Variants in PTPRD observed in about 807,000 individuals in gnomAD.
PTPRD encodes the protein protein tyrosine phosphatase receptor type D.
A neutral mutation model predicts 214.5 loss-of-function variants in PTPRD; 34 were observed. The observed-to-expected ratio is 0.16, with a 90% CI of 0.12 to 0.21. The LOEUF (loss-of-function observed/expected upper bound fraction) is 0.21. PTPRD is among the 10% of genes least tolerant of loss of function. PTPRD has a pLI of 1.00. For synonymous variants in PTPRD, 1,128 were observed against 845.7 expected (o/e 1.33, Z -5.79); for missense variants, 2,545 against 2,398.7 (o/e 1.06, Z -1.27).
chr9:10,132,843 T>C (rs983201827), intron 3 of PTPRD, among the ~76,000 whole-genome samples: 1 of 152,152 alleles, frequency 6.6e-6, no homozygotes, highest in Non-Finnish European at 1.5e-5. Context: ...ACATCTAAGA[T>C]GACACCAAGG....
At chr9:10,598,854 G>A (rs2077279663) in intron 2 of PTPRD, among the ~76,000 whole-genome samples, 1 of 151,462 alleles carries the variant, frequency 6.6e-6, no homozygotes, top group Admixed American at 6.6e-5. Flanking sequence ...ATAAAGAAAG[G>A]AAGAGAAAGA....
At chr9:9,282,847 G>T (rs1032683239) in intron 9 of PTPRD, among the ~76,000 whole-genome samples, 2 of 151,522 alleles carry the variant, frequency 1.3e-5, no homozygotes, top group East Asian at 3.9e-4. Context: ...ATTCAAGCAA[G>T]GTGGCTCCAA....
intron 39 of PTPRD, among the ~76,000 whole-genome samples, chr9:8,364,929 T>G (rs774652956): frequency 6.6e-6 from 1 of 152,132 alleles, no homozygotes; most frequent in Non-Finnish European, 1.5e-5. Flanking sequence ...CCTCTCAATA[T>G]ACAGGTGCTT....
rs987978956 is a variant in PTPRD at position 8,330,095 on chromosome 9, A to G, written c.5534+1487T>C. Among the ~76,000 whole-genome samples the G allele has an allele frequency of 7.9e-5, 12 of 152,234 alleles. No individual in the cohort carries two copies. The South Asian group carries it at 1.7e-3, about 21-fold the overall frequency. Reference sequence around the variant, plus strand: ...GCCAGAGTGTACTGTTCCTCGTGGTACAGTCTCTCACGGCTTCCCTTGGCT... The same window carrying G: ...GCCAGAGTGTACTGTTCCTCGTGGTGCAGTCTCTCACGGCTTCCCTTGGCT... On this transcript the variant is annotated intron_variant, in intron 44 of 45. Coordinates refer to ENST00000381196, the MANE Select transcript of PTPRD (RefSeq NM_002839.4).
chr9:8,962,668 T>G (rs1221648158), intron 11 of PTPRD: 1 of 152,110 alleles, frequency 6.6e-6, no homozygotes, highest in Admixed American at 6.6e-5. Flanking sequence ...TGTGGGGTAC[T>G]AAAATTACCA....
chr9:10,477,844 G>T (rs1042830699), intron 2 of PTPRD, among the ~76,000 whole-genome samples: 1 of 151,996 alleles, frequency 6.6e-6, no homozygotes, highest in Non-Finnish European at 1.5e-5. Context: ...CATGGATGAA[G>T]CTGGAAACCA....
intron 5 of PTPRD, among the ~76,000 whole-genome samples, chr9:9,887,063 A>T (rs570558686): frequency 1.3e-5 from 2 of 152,216 alleles, no homozygotes; most frequent in South Asian, 4.1e-4. Flanking sequence ...TTTGTTTTGC[A>T]ACAATACATA....
chr9:8,808,667 T>C (rs573360450), intron 11 of PTPRD, among the ~76,000 whole-genome samples: 1 of 152,128 alleles, frequency 6.6e-6, no homozygotes, highest in South Asian at 2.1e-4. Context: ...TAATATCTTT[T>C]TGACCTTGTA....
intron 11 of PTPRD, among the ~76,000 whole-genome samples, chr9:8,899,964 T>C (rs1469181726): frequency 6.6e-6 from 1 of 152,188 alleles, no homozygotes; most frequent in Non-Finnish European, 1.5e-5. Context: ...TCCAAATTAT[T>C]CCAAACATGC....
At chr9:9,561,193 T>G (rs1180974384) in intron 8 of PTPRD, among the ~76,000 whole-genome samples, 2 of 152,204 alleles carry the variant, frequency 1.3e-5, no homozygotes, top group African/African-American at 2.4e-5. Context: ...CTAAACTCAC[T>G]GAGTCACTCA....
At chr9:9,377,556 G>A (rs927119829) in intron 9 of PTPRD, among the ~76,000 whole-genome samples, 2 of 152,044 alleles carry the variant, frequency 1.3e-5, no homozygotes, top group African/African-American at 4.8e-5. Context: ...AGAAACAGAG[G>A]CTTTATTTGG....
chr9:9,733,001 T>C (rs553870596), intron 7 of PTPRD, among the ~76,000 whole-genome samples: 1 of 152,300 alleles, frequency 6.6e-6, no homozygotes, highest in South Asian at 2.1e-4. Context: ...TTCATCATTG[T>C]GAATAGGTAT....
chr9:10,475,790 C>T lies in PTPRD; in HGVS notation c.-599-134773G>A, dbSNP rs138774151. On this transcript the variant is annotated intron_variant, in intron 2 of 45. Coordinates refer to ENST00000381196, the MANE Select transcript of PTPRD (RefSeq NM_002839.4). ...AAAAGCTTATCTACCACGATCAAGT[C>T]GGTTTCATCCCCAGGATGCAAGGCT... Among the ~76,000 whole-genome samples, 695 of 151,980 alleles carry T rather than the reference C, an allele frequency of 4.6e-3. 7 individuals are homozygous for T. The highest frequency in any genetic ancestry group is 0.016 in the African/African-American group (662 of 41,474).
intron 12 of PTPRD, among the ~76,000 whole-genome samples, chr9:8,638,081 C>T (rs1460785487): frequency 6.6e-6 from 1 of 150,754 alleles, no homozygotes; most frequent in East Asian, 1.9e-4. Flanking sequence ...TTTTAAAGCC[C>T]CAAAACATTT....
rs3043784 is a variant in PTPRD, at chr9:8,454,811, A to AGTGT, written c.3876-4978_3876-4975dup. ...CATGAAGTTACATCACTGAATACAT[A>AGTGT]GTGTGTGTGTGTGTGTGTGTGTGTG... On this transcript the variant is annotated intron_variant, in intron 33 of 45. Coordinates refer to ENST00000381196, the MANE Select transcript of PTPRD (RefSeq NM_002839.4). Among the ~76,000 whole-genome samples, 400 of 148,736 alleles carry AGTGT rather than the reference A, an allele frequency of 2.7e-3. 1 individual carries two copies. Among genetic ancestry groups the AGTGT allele is most frequent in the African/African-American group, 3.5e-3 (140 of 40,550 alleles).
intron 11 of PTPRD, among the ~76,000 whole-genome samples, chr9:8,840,012 G>A (rs543439467): frequency 6.6e-6 from 1 of 152,210 alleles, no homozygotes; most frequent in East Asian, 1.9e-4. Flanking sequence ...ATGAGCAAAA[G>A]GACTATAAGC....
chr9:9,691,628 T>C (rs1187862609), intron 7 of PTPRD, among the ~76,000 whole-genome samples: 1 of 152,078 alleles, frequency 6.6e-6, no homozygotes, highest in Non-Finnish European at 1.5e-5. Flanking sequence ...TCCTTTCTTT[T>C]GGGTTTATAC....
intron 7 of PTPRD, among the ~76,000 whole-genome samples, chr9:9,682,474 G>T (rs1046482300): frequency 2.6e-5 from 4 of 151,776 alleles, no homozygotes. Context: ...AAGAAAATTT[G>T]TTGTTGCCAT....
chr9:9,030,980 G>A (rs180810215), intron 10 of PTPRD, among the ~76,000 whole-genome samples: 126 of 152,070 alleles, frequency 8.3e-4, no homozygotes, highest in Non-Finnish European at 1.4e-3. Flanking sequence ...GGAACAGGTA[G>A]ATGGCTGAGT....
Sources: allele counts gnomAD v4.1 joint callset (sites outside exome capture counted in the v4.1 genomes callset), GRCh38; gene constraint gnomAD v4.1.1; transcripts MANE v1.5; gene names NCBI Gene and HGNC (gene_info 2026-07-23, HGNC 2026-07-21).